Variants in PTPRD observed in about 807,000 individuals in gnomAD.
PTPRD encodes the protein protein tyrosine phosphatase receptor type D.
A neutral mutation model predicts 214.5 loss-of-function variants in PTPRD; 34 were observed. The observed-to-expected ratio is 0.16, with a 90% CI of 0.12 to 0.21. The LOEUF (loss-of-function observed/expected upper bound fraction) is 0.21, where lower values mean the gene tolerates loss of function less well. Ranked by LOEUF, PTPRD falls within the 10% of genes least tolerant of loss-of-function variation. The pLI is 1.00. For synonymous variants in PTPRD, 1,128 were observed against 845.7 expected (o/e 1.33, Z -5.79); for missense variants, 2,545 against 2,398.7 (o/e 1.06, Z -1.27).
At chr9:9,714,110 AT>A (rs1212477329) in intron 7 of PTPRD, among the ~76,000 whole-genome samples, 25 of 138,280 alleles carry the variant, frequency 1.8e-4, no homozygotes, top group East Asian at 4.1e-4. Flanking sequence ...AAAAAAAAAA[AT>A]TTGAATACAA....
At chr9:9,591,389 G>C (rs1269239965) in intron 7 of PTPRD, among the ~76,000 whole-genome samples, 1 of 151,960 alleles carries the variant, frequency 6.6e-6, no homozygotes, top group Non-Finnish European at 1.5e-5. Flanking sequence ...CAAACTGTGT[G>C]AGCTTAGAAG....
At chr9:10,381,758 G>T (rs546370494) in intron 2 of PTPRD, among the ~76,000 whole-genome samples, 24 of 151,950 alleles carry the variant, frequency 1.6e-4, no homozygotes, top group Admixed American at 1.4e-3. Flanking sequence ...TATTATATTT[G>T]TGTAGCACTA....
At chr9:8,347,888 C>A (rs757024109) in intron 39 of PTPRD, among the ~76,000 whole-genome samples, 1 of 152,182 alleles carries the variant, frequency 6.6e-6, no homozygotes, top group Non-Finnish European at 1.5e-5. Context: ...TCTTGGACTT[C>A]CAGCATCCTG....
chr9:10,164,126 T>C (rs1438745143), intron 3 of PTPRD, among the ~76,000 whole-genome samples: 1 of 151,466 alleles, frequency 6.6e-6, no homozygotes, highest in Non-Finnish European at 1.5e-5. Context: ...TGGATATCAG[T>C]GCATAAAAAT....
At position 8,376,694 on chromosome 9, in the gene PTPRD, G is replaced by A. The variant is rs201455635; in HGVS notation, c.4419C>T (p.Gly1473=). 7.4e-6 allele frequency: 12 copies of A among 1,612,936 alleles called. No individual in the cohort carries two copies. In the African/African-American group the frequency reaches 1.2e-4, roughly 16 times the overall value. Residue 1473 remains glycine, a synonymous_variant, in exon 38 of 46, where the codon GGC becomes GGT. Coordinates refer to ENST00000381196, the MANE Select transcript of PTPRD (RefSeq NM_002839.4). ...CTTGAACGAGTCCGTGGGTTTCTGT[G>A]CCTCTGCTAGGCCAATACTGGTCAC... ...VKCDQYWPSR[G]TETHGLVQVT...
At chr9:9,466,054 A>G (rs1298275276) in intron 8 of PTPRD, among the ~76,000 whole-genome samples, 1 of 152,160 alleles carries the variant, frequency 6.6e-6, no homozygotes, top group African/African-American at 2.4e-5. Context: ...CACACCTATA[A>G]TACCAGCACT....
intron 44 of PTPRD, among the ~76,000 whole-genome samples, chr9:8,330,985 C>CTGAACTATTTACTTGCTATTTA (rs1840033177): frequency 6.6e-6 from 1 of 150,604 alleles, no homozygotes. Context: ...TGGTGAATGT[C>CTGAACTATTTACTTGCTATTTA]TGAACTATTT....
At position 9,808,867 on chromosome 9, in the gene PTPRD, GC is replaced by G. The variant is rs1223814128; in HGVS notation, c.-367-42017del. ...GCTCACTGAAACCTCAAACTCCTGG[GC>G]TCAAGCTATCTTCCCACCTTACCTC... On this transcript the variant is annotated intron_variant, in intron 5 of 45. Transcript: ENST00000381196. 2.0e-5 allele frequency among the ~76,000 whole-genome samples: 3 copies of G among 152,068 alleles called. No individual in the cohort carries two copies. In the East Asian group the frequency reaches 5.8e-4, roughly 29 times the overall value.
chr9:10,550,428 C>T (rs1590689177), intron 2 of PTPRD, among the ~76,000 whole-genome samples: 1 of 152,090 alleles, frequency 6.6e-6, no homozygotes, highest in African/African-American at 2.4e-5. Flanking sequence ...TTCCAGGAAA[C>T]AGAAGTGAGG....
intron 10 of PTPRD, among the ~76,000 whole-genome samples, chr9:9,053,433 T>A (rs964112011): frequency 6.6e-6 from 1 of 152,112 alleles, no homozygotes; most frequent in Admixed American, 6.6e-5. Flanking sequence ...GTCTGCTCTA[T>A]ACAAATAACC....
intron 3 of PTPRD, among the ~76,000 whole-genome samples, chr9:10,256,478 G>C (rs989378596): frequency 6.6e-6 from 1 of 151,124 alleles, no homozygotes; most frequent in Non-Finnish European, 1.5e-5. Flanking sequence ...GAAAATTTTA[G>C]CTCCATTATA....
chr9:8,561,887 C>A (rs1267241638), intron 14 of PTPRD, among the ~76,000 whole-genome samples: 1 of 151,642 alleles, frequency 6.6e-6, no homozygotes, highest in Admixed American at 6.6e-5. Context: ...AAGTTAGATG[C>A]TTTGCAAAAC....
At chr9:10,210,665 A>G (rs2099511483) in intron 3 of PTPRD, among the ~76,000 whole-genome samples, 1 of 149,820 alleles carries the variant, frequency 6.7e-6, no homozygotes, top group Non-Finnish European at 1.5e-5. Context: ...ACATATGTTT[A>G]TATATGTATA....
intron 11 of PTPRD, among the ~76,000 whole-genome samples, chr9:8,747,006 G>T (rs948876436): frequency 6.6e-6 from 1 of 152,158 alleles, no homozygotes; most frequent in Non-Finnish European, 1.5e-5. Context: ...GAAGAGAAGT[G>T]CAGGGAATGC....
chr9:8,823,656 A>G (rs753054704), intron 11 of PTPRD, among the ~76,000 whole-genome samples: 1 of 140,304 alleles, frequency 7.1e-6, no homozygotes, highest in Non-Finnish European at 1.5e-5. Flanking sequence ...TGTTTCAAAA[A>G]AGGGAAGGGA....
intron 11 of PTPRD, among the ~76,000 whole-genome samples, chr9:8,854,794 T>C (rs2097884462): frequency 1.3e-5 from 2 of 152,210 alleles, no homozygotes; most frequent in African/African-American, 4.8e-5. Flanking sequence ...ACATCATCAA[T>C]CTATGCCTAT....
At chr9:9,805,551 AG>A (rs1598348527) in intron 5 of PTPRD, among the ~76,000 whole-genome samples, 1 of 152,206 alleles carries the variant, frequency 6.6e-6, no homozygotes, top group Non-Finnish European at 1.5e-5. Flanking sequence ...AAAATAAAAA[AG>A]TAAATTTGAA....
chr9:10,312,609 A>C (rs1353387501), intron 3 of PTPRD, among the ~76,000 whole-genome samples: 1 of 152,014 alleles, frequency 6.6e-6, no homozygotes, highest in Non-Finnish European at 1.5e-5. Context: ...TAACATTCTT[A>C]TCATCTATGT....
At chr9:9,234,013 C>T (rs999785092) in intron 9 of PTPRD, among the ~76,000 whole-genome samples, 10 of 152,064 alleles carry the variant, frequency 6.6e-5, no homozygotes, top group Non-Finnish European at 8.8e-5. Flanking sequence ...GGTAGTGCCC[C>T]GGTGGGGACT....
Sources: allele counts gnomAD v4.1 joint callset (sites outside exome capture counted in the v4.1 genomes callset), GRCh38; gene constraint gnomAD v4.1.1; transcripts MANE v1.5; gene names NCBI Gene and HGNC (gene_info 2026-07-23, HGNC 2026-07-21).